MCM5: variants seen among roughly 807,000 people sequenced by gnomAD.
The protein encoded by MCM5 is DNA replication licensing factor MCM5.
A neutral mutation model predicts 79.9 loss-of-function variants in MCM5; 46 were observed. The ratio of observed to expected loss-of-function variants is 0.58; its 90% CI spans 0.45 to 0.74. MCM5 has a LOEUF of 0.74. MCM5 is among the 30% of genes least tolerant of loss of function. The probability of loss-of-function intolerance (pLI) is 0.00; values close to 1 mark genes in which losing one functional copy is unlikely to be tolerated. For synonymous variants in MCM5, 404 were observed against 390.5 expected (o/e 1.03, Z -0.41); for missense variants, 883 against 1,017.0 (o/e 0.87, Z 1.79).
At chr22:35,417,698 C>T in intron 12 of MCM5, 46 bp from the exon 13 acceptor site, 10 of 1,383,142 alleles carry the variant, frequency 7.2e-6, no homozygotes, top group Non-Finnish European at 1.0e-5. Context: ...GGGACTCAGG[C>T]TTGGGACGGC....
At chr22:35,454,397 C>T in the MCM5 span, among the ~76,000 whole-genome samples, 2 of 152,184 alleles carry the variant, frequency 1.3e-5, no homozygotes, top group Non-Finnish European at 2.9e-5. Context: ...TCCCTTCTCC[C>T]CTCCCCTCTC....
intron 9 of MCM5, 55 bp from the exon 10 acceptor site, chr22:35,415,774 T>G: frequency 6.3e-7 from 1 of 1,586,104 alleles, no homozygotes; most frequent in South Asian, 1.1e-5. Flanking sequence ...TTTTGTCTTA[T>G]GGGGGTCAAA....
the MCM5 span, among the ~76,000 whole-genome samples, chr22:35,454,303 C>T: frequency 5.9e-5 from 9 of 152,148 alleles, no homozygotes; most frequent in Admixed American, 1.3e-4. Flanking sequence ...TAAATATTTA[C>T]ACCACAGGGG....
At chr22:35,432,484 T>C in the MCM5 span, among the ~76,000 whole-genome samples, 3 of 152,136 alleles carry the variant, frequency 2.0e-5, no homozygotes, top group Non-Finnish European at 4.4e-5. Context: ...GTGCTCCTTG[T>C]CAGTAGAGCA....
chr22:35,441,510 G>A, the MCM5 span, among the ~76,000 whole-genome samples: 1 of 152,208 alleles, frequency 6.6e-6, no homozygotes. Flanking sequence ...TAGAGTAGGT[G>A]ATTCCCTTGT....
chr22:35,440,975 T>G, the MCM5 span, among the ~76,000 whole-genome samples: 1 of 151,100 alleles, frequency 6.6e-6, no homozygotes, highest in Admixed American at 6.6e-5. Flanking sequence ...GAGAATCGCT[T>G]GAACCCGGGA....
chr22:35,440,056 T>A, the MCM5 span, among the ~76,000 whole-genome samples: 1 of 152,250 alleles, frequency 6.6e-6, no homozygotes, highest in Non-Finnish European at 1.5e-5. Context: ...AATTTTCCAT[T>A]TCTCTCGTCC....
chr22:35,428,021 C>CTT (rs133437), downstream of MCM5, among the ~76,000 whole-genome samples: 150 of 132,390 alleles, frequency 1.1e-3, 1 homozygote, highest in African/African-American at 3.8e-3. Context: ...CTCTCTCTCT[C>CTT]TTTTTTTTTT....
At chr22:35,449,253 A>G in the MCM5 span, among the ~76,000 whole-genome samples, 5 of 152,204 alleles carry the variant, frequency 3.3e-5, no homozygotes, top group Non-Finnish European at 5.9e-5. Flanking sequence ...AGAGCCAGCC[A>G]TACAGTCAGG....
Position 35,421,309 on chromosome 22 carries a change from C to A in MCM5, c.1833-9C>A. ...CGAGGCTACCCTGAGCACGCTGTTG[C>A]CCCCACAGGCAGCTGGAGGCCATTG... On this transcript the variant is annotated splice_polypyrimidine_tract_variant and intron_variant, in intron 14 of 16. Transcript: ENST00000216122. The A allele has an allele frequency of 1.2e-6, 2 of 1,610,884 alleles. No homozygotes were observed. Among genetic ancestry groups the A allele is most frequent in the Non-Finnish European group, 1.7e-6 (2 of 1,178,780 alleles).
In MCM5 at chr22:35,417,793, C is replaced by G. The variant is rs1317945580; in HGVS notation, c.1640C>G (p.Thr547Arg). The G allele has an allele frequency of 1.9e-6, 3 of 1,614,236 alleles. No individual in the cohort carries two copies. In the Admixed American group the frequency reaches 5.0e-5, roughly 27 times the overall value. ...CTGCACGTGAGCGCACTGACACAGA[C>G]ACAGGCTGTGGAGGGCGAGATTGAC... Reference protein sequence around the residue: ...ITLHVSALTQTQAVEGEIDLA... With the variant: ...ITLHVSALTQRQAVEGEIDLA... The change falls in exon 13 of 17, where the codon ACA becomes AGA. Residue 547 changes from threonine to arginine, a missense_variant. Thr to Arg is a moderately conservative substitution (Grantham distance 71, BLOSUM62 -1). Around this residue, in one of 3 missense-constraint regions of MCM5, gnomAD observed 426 missense variants for 482.3 expected, o/e 0.88. Coordinates refer to ENST00000216122, the MANE Select transcript of MCM5 (RefSeq NM_006739.4).
At chr22:35,448,895 G>A in the MCM5 span, among the ~76,000 whole-genome samples, 1 of 152,130 alleles carries the variant, frequency 6.6e-6, no homozygotes, top group Non-Finnish European at 1.5e-5. Context: ...GTCCCATGGT[G>A]GTGGCAGACG....
In MCM5 at chr22:35,408,509, C is replaced by G. The variant is rs1406479623; in HGVS notation, c.698C>G (p.Pro233Arg). The G allele has an allele frequency of 6.2e-7, 1 of 1,614,202 alleles. No individual in the cohort carries two copies. The highest frequency in any genetic ancestry group is 1.1e-5 in the South Asian group (1 of 91,086). ...CAGACCCTGAAGCTGCAGGAGCTGC[C>G]TGATGCAGTCCCCCACGGGGAGATG... Reference protein sequence around the residue: ...DFQTLKLQELPDAVPHGEMPR... With the variant: ...DFQTLKLQELRDAVPHGEMPR... Residue 233 changes from proline to arginine, a missense_variant, in exon 6 of 17, where the codon CCT (proline) becomes CGT (arginine). Coordinates refer to ENST00000216122, the MANE Select transcript of MCM5 (RefSeq NM_006739.4).
At chr22:35,412,735 A>C in intron 8 of MCM5, 54 bp downstream of exon 8, 1 of 1,359,208 alleles carries the variant, frequency 7.4e-7, no homozygotes, top group Non-Finnish European at 9.7e-7. Context: ...TGGGGCTCAC[A>C]GTAGGATAAT....
chr22:35,428,077 T>C (rs975096564), downstream of MCM5, among the ~76,000 whole-genome samples: 3 of 150,468 alleles, frequency 2.0e-5, no homozygotes, highest in Admixed American at 6.6e-5. Flanking sequence ...CTGGAGTGCA[T>C]TGGCGCGATC....
At chr22:35,433,812 G>A in the MCM5 span, among the ~76,000 whole-genome samples, 1 of 152,212 alleles carries the variant, frequency 6.6e-6, no homozygotes, top group Admixed American at 6.5e-5. Context: ...GCACTGGGCC[G>A]GGGACTGGAG....
chr22:35,408,011 CAGAATGGTCT>C (rs1435342127), intron 5 of MCM5, among the ~76,000 whole-genome samples: 1 of 152,194 alleles, frequency 6.6e-6, no homozygotes, highest in Admixed American at 6.5e-5. Context: ...CTTAGACCCT[CAGAATGGTCT>C]AGAACTGCCT....
chr22:35,417,856 T>G lies in MCM5; in HGVS notation c.1703T>G (p.Val568Gly), dbSNP rs1038251707. ...KLKKFIAYCR[V>G]KCGPRLSAEA... ...AAGAAGTTTATTGCCTACTGCCGAGTGTGAGTCCTGGACGCAGGCCCACGG... is the reference window on the plus strand; with the variant it reads ...AAGAAGTTTATTGCCTACTGCCGAGGGTGAGTCCTGGACGCAGGCCCACGG... Residue 568 changes from valine to glycine, a missense_variant and splice_region_variant, in exon 13 of 17, where the codon GTG (valine) becomes GGG (glycine). By Grantham distance (109) the Val-to-Gly change is moderately radical (BLOSUM62 -3). Coordinates refer to ENST00000216122, the MANE Select transcript of MCM5 (RefSeq NM_006739.4). The G allele has an allele frequency of 5.6e-6, 9 of 1,612,582 alleles. No homozygotes were observed. In the East Asian group the frequency reaches 1.3e-4, roughly 24 times the overall value.
chr22:35,445,352 G>A, the MCM5 span, among the ~76,000 whole-genome samples: 14 of 92,298 alleles, frequency 1.5e-4, no homozygotes, highest in Admixed American at 4.6e-4. Flanking sequence ...TTTTTGAGAC[G>A]GAGTCTCATT....
Sources: allele counts gnomAD v4.1 joint callset (sites outside exome capture counted in the v4.1 genomes callset), GRCh38; gene constraint gnomAD v4.1.1; regional missense constraint gnomAD v4.1.1; transcripts MANE v1.5; gene names NCBI Gene and HGNC (gene_info 2026-07-23, HGNC 2026-07-21).